The following SCHIP1 variants were observed in gnomAD, a reference collection of about 807,000 sequenced individuals.
SCHIP1 encodes the protein schwannomin-interacting protein 1.
A neutral mutation model predicts 29.7 loss-of-function variants in SCHIP1; 8 were observed. The ratio of observed to expected loss-of-function variants is 0.27; its 90% CI spans 0.16 to 0.49. The LOEUF is 0.49. Among genes scored for constraint, SCHIP1 ranks in the 20% least tolerant of loss-of-function variants. The probability of loss-of-function intolerance (pLI) is 0.99; values close to 1 mark genes in which losing one functional copy is unlikely to be tolerated. For synonymous variants in SCHIP1, 76 were observed against 94.9 expected (o/e 0.80, Z 1.16); for missense variants, 193 against 294.6 (o/e 0.66, Z 2.52).
chr3:159,893,310 C>G (rs570191374), intron 6 of SCHIP1: 2 of 152,284 alleles, frequency 1.3e-5, no homozygotes, highest in East Asian at 1.9e-4. Flanking sequence ...AGTAAGCCTT[C>G]TCATACTCTT....
At chr3:159,319,555 A>G in the SCHIP1 span, among the ~76,000 whole-genome samples, 1 of 152,220 alleles carries the variant, frequency 6.6e-6, no homozygotes, top group Non-Finnish European at 1.5e-5. Flanking sequence ...GTGACTGAGA[A>G]CTGGACCAGA....
chr3:159,509,273 A>C, the SCHIP1 span, among the ~76,000 whole-genome samples: 3 of 152,140 alleles, frequency 2.0e-5, no homozygotes, highest in Non-Finnish European at 2.9e-5. Flanking sequence ...CCCTTTTATC[A>C]GAGACTAGGA....
the SCHIP1 span, among the ~76,000 whole-genome samples, chr3:159,825,594 TGA>T: frequency 6.6e-6 from 1 of 152,192 alleles, no homozygotes; most frequent in African/African-American, 2.4e-5. Flanking sequence ...GGCCCTAAAG[TGA>T]GAGAACTTCT....
the SCHIP1 span, among the ~76,000 whole-genome samples, chr3:159,373,038 AAATTT>A: frequency 6.6e-6 from 1 of 151,700 alleles, no homozygotes; most frequent in Non-Finnish European, 1.5e-5. Context: ...ATTTAAATTT[AAATTT>A]GTTTTTAATT....
At chr3:159,626,103 TAGATAGATAGATAGATAGATAG>T in the SCHIP1 span, among the ~76,000 whole-genome samples, 4 of 112,346 alleles carry the variant, frequency 3.6e-5, no homozygotes, top group East Asian at 5.0e-4. Flanking sequence ...GATAGATAGA[TAGATAGATAGATAGATAGATAG>T]ATAGATAGAT....
chr3:159,531,313 G>A, the SCHIP1 span, among the ~76,000 whole-genome samples: 1 of 152,162 alleles, frequency 6.6e-6, no homozygotes, highest in Non-Finnish European at 1.5e-5. Context: ...CACCTGGGAT[G>A]CCTGTCTGCT....
At chr3:159,351,018 A>G in the SCHIP1 span, among the ~76,000 whole-genome samples, 1 of 152,224 alleles carries the variant, frequency 6.6e-6, no homozygotes, top group Non-Finnish European at 1.5e-5. Flanking sequence ...TTTAAAAAAT[A>G]TATCTGCACA....
At chr3:159,870,474 T>G (rs2109297390) in intron 2 of SCHIP1, among the ~76,000 whole-genome samples, 1 of 152,116 alleles carries the variant, frequency 6.6e-6, no homozygotes, top group East Asian at 1.9e-4. Context: ...TCTGTTGAGT[T>G]GAAGAAAAAG....
chr3:159,646,212 T>C, the SCHIP1 span, among the ~76,000 whole-genome samples: 30 of 152,276 alleles, frequency 2.0e-4, 1 homozygote, highest in African/African-American at 7.2e-4. Flanking sequence ...GCCATGGATG[T>C]GAGCAGCTCA....
At chr3:159,384,255 T>C in the SCHIP1 span, among the ~76,000 whole-genome samples, 2 of 151,258 alleles carry the variant, frequency 1.3e-5, no homozygotes, top group African/African-American at 4.9e-5. Context: ...TTGTCATAGA[T>C]AGCTCTTATT....
chr3:159,372,869 A>T, the SCHIP1 span, among the ~76,000 whole-genome samples: 1 of 152,084 alleles, frequency 6.6e-6, no homozygotes, highest in South Asian at 2.1e-4. Flanking sequence ...TTTCATTACA[A>T]CAGCAAAGGT....
chr3:159,278,677 C>G, the SCHIP1 span, among the ~76,000 whole-genome samples: 1 of 152,166 alleles, frequency 6.6e-6, no homozygotes, highest in Admixed American at 6.5e-5. Flanking sequence ...TGTAGACCAT[C>G]AATTCAAGGG....
At chr3:159,371,980 A>G in the SCHIP1 span, among the ~76,000 whole-genome samples, 3 of 152,170 alleles carry the variant, frequency 2.0e-5, no homozygotes, top group East Asian at 1.9e-4. Context: ...TCTTTTCCCA[A>G]TGGCATCATC....
At chr3:159,692,207 G>A in the SCHIP1 span, among the ~76,000 whole-genome samples, 1 of 151,812 alleles carries the variant, frequency 6.6e-6, no homozygotes, top group Non-Finnish European at 1.5e-5. Context: ...GTGTCTTGAG[G>A]TTGCTCTTCT....
intron 6 of SCHIP1, among the ~76,000 whole-genome samples, chr3:159,896,332 T>C (rs76755660): frequency 1.3e-5 from 2 of 152,240 alleles, no homozygotes; most frequent in Non-Finnish European, 2.9e-5. Flanking sequence ...CTTTCTTGTC[T>C]CATATTCCCC....
the SCHIP1 span, among the ~76,000 whole-genome samples, chr3:159,554,538 T>C: frequency 6.6e-6 from 1 of 152,086 alleles, no homozygotes; most frequent in African/African-American, 2.4e-5. Flanking sequence ...TAGAAGGAGA[T>C]AGGATGCAAA....
the SCHIP1 span, among the ~76,000 whole-genome samples, chr3:159,384,504 G>T: frequency 7.2e-6 from 1 of 139,292 alleles, no homozygotes; most frequent in Non-Finnish European, 1.6e-5. Flanking sequence ...TGCTGGATTC[G>T]GTTTGCCAGT....
At chr3:159,286,697 G>A in the SCHIP1 span, among the ~76,000 whole-genome samples, 1 of 152,112 alleles carries the variant, frequency 6.6e-6, no homozygotes, top group African/African-American at 2.4e-5. Flanking sequence ...CCAGCAGTGT[G>A]TAAGTGTTCC....
the SCHIP1 span, among the ~76,000 whole-genome samples, chr3:159,708,624 A>T: frequency 6.6e-6 from 1 of 152,228 alleles, no homozygotes; most frequent in Non-Finnish European, 1.5e-5. Flanking sequence ...CACTCAAAGA[A>T]TTTGGTTGAG....
Sources: gnomAD v4.1 joint callset for allele counts (sites outside exome capture counted in the v4.1 genomes callset) on GRCh38, gnomAD v4.1.1 for gene constraint, MANE v1.5 for transcripts, NCBI Gene and HGNC (gene_info 2026-07-23, HGNC 2026-07-21) for gene names.